The following AKAP12 variants were observed in gnomAD, a reference collection of about 807,000 sequenced individuals.
AKAP12 encodes A-kinase anchoring protein 12, also known as A-kinase anchor protein 12.
In AKAP12, 32 loss-of-function variants were observed where a neutral mutation model predicts 79.9. The observed-to-expected ratio is 0.40, with a 90% confidence interval of 0.30 to 0.54. The LOEUF (loss-of-function observed/expected upper bound fraction) is 0.54, where lower values mean the gene tolerates loss of function less well. AKAP12 is among the 20% of genes least tolerant of loss of function. AKAP12 has a pLI of 0.48. For synonymous variants in AKAP12, 808 were observed against 857.0 expected, an observed-to-expected ratio of 0.94 and a Z score of 1.00; for missense variants, 2,074 against 2,177.0, an observed-to-expected ratio of 0.95 and a Z score of 0.94.
chr6:151,340,042 C>T (rs1467983892), intron 3 of AKAP12, among the ~76,000 whole-genome samples: 1 of 152,060 alleles, frequency 6.6e-6, no homozygotes, highest in Admixed American at 6.6e-5. Context: ...TTCTCTGCCT[C>T]AGCCTCCCGA....
In AKAP12 at chr6:151,352,838, T is replaced by C. The variant is rs751523406; in HGVS notation, c.4447T>C (p.Ser1483Pro). The change falls in exon 4 of 5, where the codon TCG (serine) becomes CCG (proline). Residue 1483 changes from serine to proline, a missense_variant. Around this residue, in one of 3 missense-constraint regions of AKAP12, gnomAD observed 614 missense variants for 665.6 expected, o/e 0.92. Coordinates refer to ENST00000402676, the MANE Select transcript of AKAP12 (RefSeq NM_005100.4). ...VPTGPDCQAK[S>P]TPVIVSATTK... ...CACAGGGCCCGACTGTCAGGCAAAA[T>C]CGACACCAGTGATAGTATCTGCTAC... The C allele has an allele frequency of 1.9e-6, 3 of 1,614,022 alleles. No individual in the cohort carries two copies. Among genetic ancestry groups the C allele is most frequent in the Non-Finnish European group, 2.5e-6 (3 of 1,180,002 alleles).
chr6:151,301,014 G>T (rs757089642), intron 2 of AKAP12, among the ~76,000 whole-genome samples: 15 of 152,148 alleles, frequency 9.9e-5, no homozygotes, highest in Non-Finnish European at 1.6e-4. Context: ...AGGAAGCTTC[G>T]GAGTGGAAAA....
At chr6:151,343,351 G>A (rs961582651) in intron 3 of AKAP12, among the ~76,000 whole-genome samples, 1 of 152,112 alleles carries the variant, frequency 6.6e-6, no homozygotes, top group Non-Finnish European at 1.5e-5. Context: ...TTTGTATTCT[G>A]TACTAGTGAA....
intron 2 of AKAP12, among the ~76,000 whole-genome samples, chr6:151,243,221 T>C (rs868609291): frequency 9.9e-5 from 15 of 152,240 alleles, no homozygotes; most frequent in South Asian, 2.1e-4. Context: ...TAGGATTACA[T>C]CTTGAACTTC....
rs190966714 is a variant in AKAP12 at position 151,284,089 on chromosome 6, C to T, written c.163-21658C>T. On this transcript the variant is annotated intron_variant, in intron 2 of 4. Coordinates refer to ENST00000402676, the MANE Select transcript of AKAP12 (RefSeq NM_005100.4). ...GCTTGGTGAGTTCTTACAAGGTGAACGCACGAGTAACCCTCTCCCAGGTCA... is the reference window on the plus strand; with the variant it reads ...GCTTGGTGAGTTCTTACAAGGTGAATGCACGAGTAACCCTCTCCCAGGTCA... Among the ~76,000 whole-genome samples the T allele has an allele frequency of 5.6e-3, 856 of 152,304 alleles. 4 individuals carry two copies. Among genetic ancestry groups the T allele is most frequent in the Non-Finnish European group, 8.6e-3 (583 of 68,024 alleles).
intron 2 of AKAP12, among the ~76,000 whole-genome samples, chr6:151,275,745 C>T (rs1776281265): frequency 6.6e-6 from 1 of 152,190 alleles, no homozygotes; most frequent in African/African-American, 2.4e-5. Context: ...TCAGCAGGAC[C>T]ACCTGCGTAT....
chr6:151,246,115 T>C (rs921898737), intron 2 of AKAP12, among the ~76,000 whole-genome samples: 29 of 152,312 alleles, frequency 1.9e-4, no homozygotes, highest in African/African-American at 6.7e-4. Context: ...GCAAGCTTTA[T>C]ATGCATTTAA....
chr6:151,351,289 TAGTG>T lies in AKAP12; in HGVS notation c.2901_2904del (p.Ser967ArgfsTer4). 1 of 1,614,130 alleles carries T rather than the reference TAGTG, an allele frequency of 6.2e-7. No homozygotes were observed. Among genetic ancestry groups the T allele is most frequent in the African/African-American group, 1.3e-5 (1 of 75,036 alleles). On this transcript the variant is annotated frameshift_variant, in exon 4 of 5. Coordinates refer to ENST00000402676, the MANE Select transcript of AKAP12 (RefSeq NM_005100.4). LOFTEE classifies it high-confidence loss of function. This position sits in a 1 kb window ranked among gnomAD's most constrained non-coding sequence, Gnocchi z 4.4. ...GAGAGGCCCGGGGCGACACGGTCGTTAGTGAGGCGGAATTGACCCCCGAAGCTGT... is the reference window on the plus strand; with the variant it reads ...GAGAGGCCCGGGGCGACACGGTCGTTAGGCGGAATTGACCCCCGAAGCTGT...
In AKAP12 at chr6:151,353,456, G is replaced by A; in HGVS notation, c.5065G>A (p.Glu1689Lys). Residue 1689 changes from glutamate (E) to lysine (K), a missense_variant, in exon 4 of 5, where the codon GAG (glutamate) becomes AAG (lysine). Glu to Lys is a moderately conservative substitution (Grantham distance 56). Transcript: ENST00000402676. Reference protein sequence around the residue: ...DGHALLAERIEKSLVEPKEDE... With the variant: ...DGHALLAERIKKSLVEPKEDE... ...TCATGCCTTGTTAGCAGAAAGAATAGAGAAGTCACTAGTTGAACCGAAAGA... is the reference window on the plus strand; with the variant it reads ...TCATGCCTTGTTAGCAGAAAGAATAAAGAAGTCACTAGTTGAACCGAAAGA... 1 of 1,614,176 alleles carries A rather than the reference G, an allele frequency of 6.2e-7. No individual in the cohort carries two copies. Among genetic ancestry groups the A allele is most frequent in the Non-Finnish European group, 8.5e-7 (1 of 1,180,022 alleles).
intron 3 of AKAP12, 30 bp from the exon 4 acceptor site, chr6:151,348,681 C>CGGGG: frequency 4.6e-6 from 1 of 218,350 alleles, no homozygotes; most frequent in Non-Finnish European, 9.1e-6. Flanking sequence ...TTTCTCTTCT[C>CGGGG]CCCACCCCCC....
chr6:151,284,885 C>T (rs902204879), intron 2 of AKAP12, among the ~76,000 whole-genome samples: 2 of 152,132 alleles, frequency 1.3e-5, no homozygotes, highest in Non-Finnish European at 2.9e-5. Flanking sequence ...AGGGATTAAT[C>T]AAATGTTGAC....
intron 2 of AKAP12, among the ~76,000 whole-genome samples, chr6:151,271,848 C>T (rs988317951): frequency 1.3e-5 from 2 of 150,244 alleles, no homozygotes; most frequent in Admixed American, 6.6e-5. Context: ...TTAGTAGAGA[C>T]GGGGTTTTAC....
intron 2 of AKAP12, among the ~76,000 whole-genome samples, chr6:151,252,756 A>G (rs952428120): frequency 2.7e-5 from 4 of 148,390 alleles, no homozygotes; most frequent in African/African-American, 7.4e-5. Context: ...AAAAAAAAAG[A>G]TGAGAAAACG....
At chr6:151,284,102 C>G (rs776066730) in intron 2 of AKAP12, among the ~76,000 whole-genome samples, 2 of 152,162 alleles carry the variant, frequency 1.3e-5, no homozygotes, top group Non-Finnish European at 2.9e-5. Flanking sequence ...ACGAGTAACC[C>G]TCTCCCAGGT....
chr6:151,300,772 G>A (rs564852692), intron 2 of AKAP12, among the ~76,000 whole-genome samples: 4 of 151,996 alleles, frequency 2.6e-5, no homozygotes, highest in Admixed American at 6.5e-5. Context: ...TACTTCATGG[G>A]AATAAACTCT....
intron 2 of AKAP12, among the ~76,000 whole-genome samples, chr6:151,257,193 C>G (rs901705297): frequency 6.6e-6 from 1 of 152,132 alleles, no homozygotes; most frequent in Non-Finnish European, 1.5e-5. Flanking sequence ...AGTTTTTCAA[C>G]TCTTGCCCCC....
intron 2 of AKAP12, among the ~76,000 whole-genome samples, chr6:151,283,667 G>A (rs1487619152): frequency 2.0e-5 from 3 of 152,190 alleles, no homozygotes; most frequent in Non-Finnish European, 2.9e-5. Context: ...TCTTCTCAAG[G>A]CGAGGCATTC....
chr6:151,284,743 G>T (rs9322311), intron 2 of AKAP12, among the ~76,000 whole-genome samples: 69,712 of 152,022 alleles, frequency 0.46, 17,043 homozygotes, highest in East Asian at 0.78. Flanking sequence ...AACTTTTTCT[G>T]GTACACTTTC....
At position 151,328,270 on chromosome 6, in the gene AKAP12, G is replaced by A. The variant is rs1183658924; in HGVS notation, c.320-20441G>A. Among the ~76,000 whole-genome samples the A allele has an allele frequency of 6.7e-5, 10 of 148,808 alleles. No homozygotes were observed. In the Admixed American group the frequency reaches 6.8e-4, roughly 10 times the overall value. On this transcript the variant is annotated intron_variant, in intron 3 of 4. Coordinates refer to ENST00000402676, the MANE Select transcript of AKAP12 (RefSeq NM_005100.4). ...GTGAACTCGGGAGGCAGAGCTTGCA[G>A]TGAGCCGAGATCGCGCCTCTGCACT... is the stretch of plus-strand genomic sequence containing the variant.
Sources: allele counts gnomAD v4.1 joint callset (sites outside exome capture counted in the v4.1 genomes callset), GRCh38; gene constraint gnomAD v4.1.1; regional missense constraint gnomAD v4.1.1; non-coding constraint Gnocchi (gnomAD v3.1); transcripts MANE v1.5; gene names NCBI Gene and HGNC (gene_info 2026-07-23, HGNC 2026-07-21).